HECW1: variants seen among roughly 807,000 people sequenced by gnomAD.
HECW1 encodes HECT, C2 and WW domain containing E3 ubiquitin protein ligase 1, also known as E3 ubiquitin-protein ligase HECW1.
HECW1 carries 61 observed loss-of-function variants against 182.3 expected under a neutral mutation model. The ratio of observed to expected loss-of-function variants is 0.33; its 90% CI spans 0.27 to 0.41. The LOEUF (loss-of-function observed/expected upper bound fraction) is 0.41, where lower values mean the gene tolerates loss of function less well. Ranked by LOEUF, HECW1 falls within the 10% of genes least tolerant of loss-of-function variation. The pLI, the probability that HECW1 is intolerant of heterozygous loss-of-function variation, is 1.00. For synonymous variants in HECW1, 859 were observed against 832.6 expected, an observed-to-expected ratio of 1.03 and a Z score of -0.55; for missense variants, 1,739 against 2,108.9, an observed-to-expected ratio of 0.82 and a Z score of 3.44.
chr7:43,309,994 A>G (rs1006249052), intron 3 of HECW1, among the ~76,000 whole-genome samples: 8 of 152,202 alleles, frequency 5.3e-5, no homozygotes, highest in Non-Finnish European at 1.0e-4. Context: ...AGAGGAGGAA[A>G]CCGAGGTCCA....
At chr7:43,164,426 T>C (rs1790881743) in intron 2 of HECW1, among the ~76,000 whole-genome samples, 3 of 152,196 alleles carry the variant, frequency 2.0e-5, no homozygotes, top group Admixed American at 6.5e-5. Context: ...TGGGGGAAGA[T>C]TCAGCAACAT....
chr7:43,531,333 C>G (rs185135572), intron 24 of HECW1, among the ~76,000 whole-genome samples: 7 of 152,282 alleles, frequency 4.6e-5, no homozygotes, highest in Admixed American at 3.3e-4. Flanking sequence ...TTCTCTTCAC[C>G]ACTTGCTCTG....
chr7:43,367,346 A>C (rs1816784597), intron 6 of HECW1, among the ~76,000 whole-genome samples: 1 of 152,250 alleles, frequency 6.6e-6, no homozygotes. Context: ...CATTAACAAT[A>C]CTATGATGAG....
intron 2 of HECW1, among the ~76,000 whole-genome samples, chr7:43,184,264 C>T (rs970294175): frequency 3.9e-5 from 6 of 152,174 alleles, no homozygotes; most frequent in East Asian, 1.9e-4. Flanking sequence ...CCGCCCGCCT[C>T]GGCTTCCCAA....
At chr7:43,231,632 A>G (rs1797882281) in intron 2 of HECW1, among the ~76,000 whole-genome samples, 1 of 152,132 alleles carries the variant, frequency 6.6e-6, no homozygotes, top group Non-Finnish European at 1.5e-5. Flanking sequence ...CTGTGGGCTT[A>G]TACCAGTAAC....
chr7:43,206,074 C>A (rs956428606), intron 2 of HECW1, among the ~76,000 whole-genome samples: 1 of 152,182 alleles, frequency 6.6e-6, no homozygotes, highest in Non-Finnish European at 1.5e-5. Flanking sequence ...CTCTTTCTTT[C>A]TCCTCTTTAC....
rs772612970 is a variant in HECW1 at position 43,561,836 on chromosome 7, A to G, written c.4731A>G (p.Arg1577=). The change falls in exon 30 of 30, where the codon CGA becomes CGG. Residue 1577 remains arginine (R), a synonymous_variant. Transcript: ENST00000395891. Reference sequence around the variant, plus strand: ...TCAGGGCACACACATGCTTCAACCGACTGGATCTTCCACCGTATCCCTCGT... The same window carrying G: ...TCAGGGCACACACATGCTTCAACCGGCTGGATCTTCCACCGTATCCCTCGT... The part of the protein sequence containing the change: ...SLPRAHTCFN[R]LDLPPYPSYS... 7 of 1,613,626 alleles carry G rather than the reference A, an allele frequency of 4.3e-6. No individual in the cohort carries two copies. In the African/African-American group the frequency reaches 9.3e-5, roughly 22 times the overall value.
chr7:43,501,334 C>G lies in HECW1; in HGVS notation c.3631+12C>G. The G allele has an allele frequency of 6.7e-7, 1 of 1,487,248 alleles. No individual in the cohort carries two copies. The highest frequency in any genetic ancestry group is 9.4e-7 in the Non-Finnish European group (1 of 1,066,638). 92.1% of individuals were successfully genotyped at this position (1,487,248 alleles called of 1,614,324 possible). A position where few individuals can be genotyped will look rare whatever the true frequency, so the allele number is the denominator to read the frequency against. On this transcript the variant is annotated intron_variant, in intron 21 of 29. Coordinates refer to ENST00000395891, the MANE Select transcript of HECW1 (RefSeq NM_015052.5). ...TCAGAACTCCCCAGGTAACAGGAAT[C>G]TGGCCTAATAGCTCCTGTTAAGTGG...
intron 2 of HECW1, among the ~76,000 whole-genome samples, chr7:43,237,297 A>G (rs555808667): frequency 6.6e-6 from 1 of 152,286 alleles, no homozygotes; most frequent in South Asian, 2.1e-4. Flanking sequence ...TAAAATGTAA[A>G]TCACTGGAGA....
At chr7:43,553,007 G>A (rs2081893388) in intron 28 of HECW1, among the ~76,000 whole-genome samples, 2 of 152,164 alleles carry the variant, frequency 1.3e-5, no homozygotes, top group African/African-American at 2.4e-5. Context: ...TGGCTCCAGG[G>A]AAGGGTGTCT....
intron 2 of HECW1, among the ~76,000 whole-genome samples, chr7:43,237,160 G>A (rs1005244089): frequency 3.2e-5 from 4 of 125,750 alleles, no homozygotes; most frequent in Non-Finnish European, 6.7e-5. Flanking sequence ...TAGGTAGGTA[G>A]GTAGGTAGGT....
chr7:43,137,347 G>T (rs903587583), intron 2 of HECW1, among the ~76,000 whole-genome samples: 1 of 152,078 alleles, frequency 6.6e-6, no homozygotes, highest in Non-Finnish European at 1.5e-5. Context: ...CCAAGACCAT[G>T]ATTAAATGGT....
chr7:43,437,938 G>A lies in HECW1; in HGVS notation c.802-65G>A, dbSNP rs909593443. The A allele has an allele frequency of 1.0e-5, 16 of 1,525,650 alleles. No homozygotes were observed. The East Asian group carries it at 3.4e-4, about 32-fold the overall frequency. The allele number at this position is 1,525,650 out of a possible 1,614,324, so 94.5% of individuals were successfully genotyped here. ...TTACAGTGACAGCATCAAGGCAGATGGACTGGGAATTGACCAGCCCTCCAA... is the reference window on the plus strand; with the variant it reads ...TTACAGTGACAGCATCAAGGCAGATAGACTGGGAATTGACCAGCCCTCCAA... On this transcript the variant is annotated intron_variant, in intron 8 of 29. Transcript: ENST00000395891.
intron 3 of HECW1, among the ~76,000 whole-genome samples, chr7:43,292,551 A>G (rs1805522919): frequency 6.6e-6 from 1 of 152,188 alleles, no homozygotes. Flanking sequence ...ATTCCCCACC[A>G]AGGACTAAGC....
chr7:43,248,512 G>A (rs1049370965), intron 3 of HECW1: 4 of 152,330 alleles, frequency 2.6e-5, no homozygotes, highest in African/African-American at 7.2e-5. Flanking sequence ...CTTGCTTTTG[G>A]TTATAATGTT....
chr7:43,256,505 A>G (rs557733130), intron 3 of HECW1, among the ~76,000 whole-genome samples: 14 of 151,164 alleles, frequency 9.3e-5, no homozygotes. Context: ...GCTACTCGGG[A>G]GGCTGAAGCA....
At chr7:43,132,435 C>G (rs1787052526) in intron 2 of HECW1, among the ~76,000 whole-genome samples, 1 of 152,166 alleles carries the variant, frequency 6.6e-6, no homozygotes, top group South Asian at 2.1e-4. Flanking sequence ...CCTAAATCTA[C>G]ATTGGGGGTT....
chr7:43,501,299 GTTC>G lies in HECW1; in HGVS notation c.3612_3614del (p.Ser1205del), dbSNP rs768524181. 6.2e-7 allele frequency: 1 copy of G among 1,603,200 alleles called. No individual in the cohort carries two copies. The highest frequency in any genetic ancestry group is 8.5e-7 in the Non-Finnish European group (1 of 1,174,284). The stretch of plus-strand genomic sequence containing the variant: ...AGCTTCTCTCCCCGATGTTCACCCT[GTTC>G]TTCACCTCAGAACTCCCCAGGTAAC... On this transcript the variant is annotated inframe_deletion, in exon 21 of 30. Transcript: ENST00000395891.
intron 26 of HECW1, among the ~76,000 whole-genome samples, chr7:43,546,626 A>C (rs1041243482): frequency 9.5e-4 from 136 of 142,946 alleles, no homozygotes; most frequent in African/African-American, 3.2e-3. Context: ...CAAAAAAAAA[A>C]AAACAAACAA....
Sources: gnomAD v4.1 joint callset for allele counts (sites outside exome capture counted in the v4.1 genomes callset) on GRCh38, gnomAD v4.1.1 for gene constraint, MANE v1.5 for transcripts, NCBI Gene and HGNC (gene_info 2026-07-23, HGNC 2026-07-21) for gene names.